ZNF18: variants seen among roughly 807,000 people sequenced by gnomAD.
ZNF18 encodes the protein heart development-specific gene 1 protein.
In ZNF18, 42 loss-of-function variants were observed where a neutral mutation model predicts 58.1. The observed-to-expected ratio is 0.72, with a 90% CI of 0.56 to 0.93. ZNF18 has a LOEUF of 0.93. ZNF18 is among the 40% of genes least tolerant of loss of function. ZNF18 has a pLI of 0.00. For missense variants in ZNF18, 540 were observed against 644.2 expected, an observed-to-expected ratio of 0.84 and a Z score of 1.75; for synonymous variants, 231 against 239.8, an observed-to-expected ratio of 0.96 and a Z score of 0.34.
At chr17:12,010,362 A>G in the ZNF18 span, among the ~76,000 whole-genome samples, 3,405 of 152,156 alleles carry the variant, frequency 0.022, 50 homozygotes, top group Non-Finnish European at 0.03. Context: ...AATAGAATGT[A>G]TTTACAAGAA....
chr17:11,983,277 A>T lies in ZNF18; in HGVS notation c.862+20T>A. 6.4e-7 allele frequency: 1 copy of T among 1,569,294 alleles called. No individual in the cohort carries two copies. The highest frequency in any genetic ancestry group is 1.1e-5 in the South Asian group (1 of 90,126). ...GACAGGCAGTCAGAAATGATTCCAG[A>T]CCAATGAAAGATTACTCACCTATGC... On this transcript the variant is annotated intron_variant, in intron 6 of 6. Coordinates refer to ENST00000580306, the MANE Select transcript of ZNF18 (RefSeq NM_001303281.2).
At chr17:11,982,367 T>C (rs937868416) in intron 6 of ZNF18, among the ~76,000 whole-genome samples, 2 of 152,238 alleles carry the variant, frequency 1.3e-5, no homozygotes, top group African/African-American at 4.8e-5. Flanking sequence ...ATTGTGTTTT[T>C]TTTTAACGCT....
the ZNF18 span, among the ~76,000 whole-genome samples, chr17:12,004,217 C>T: frequency 6.7e-6 from 1 of 150,146 alleles, no homozygotes; most frequent in South Asian, 2.1e-4. Flanking sequence ...GGTGACAGAG[C>T]GAGACTCTGT....
In ZNF18 at chr17:11,977,898, T is replaced by C; in HGVS notation, c.*59A>G. 1.3e-6 allele frequency: 2 copies of C among 1,510,494 alleles called. No individual in the cohort carries two copies. Among genetic ancestry groups the C allele is most frequent in the Non-Finnish European group, 1.8e-6 (2 of 1,127,948 alleles). 93.6% of individuals were successfully genotyped at this position (1,510,494 alleles called of 1,614,324 possible). On this transcript the variant is annotated 3_prime_UTR_variant, in exon 7 of 7. Coordinates refer to ENST00000580306, the MANE Select transcript of ZNF18 (RefSeq NM_001303281.2). The stretch of plus-strand genomic sequence containing the variant: ...TAGACACAATTCCTCTTGATGGAGC[T>C]GAGTATTTTTGTGACTGGGCTGGGA...
chr17:12,004,033 C>A, the ZNF18 span, among the ~76,000 whole-genome samples: 2 of 152,086 alleles, frequency 1.3e-5, no homozygotes, highest in African/African-American at 2.4e-5. Flanking sequence ...GAGTTTGAGA[C>A]CAGCCTGACC....
chr17:11,983,394 A>G lies in ZNF18; in HGVS notation c.765T>C (p.His255=). 1 of 1,613,694 alleles carries G rather than the reference A, an allele frequency of 6.2e-7. No individual in the cohort carries two copies. Among genetic ancestry groups the G allele is most frequent in the Non-Finnish European group, 8.5e-7 (1 of 1,179,630 alleles). The stretch of plus-strand genomic sequence containing the variant: ...TTGAATTAGTCAGGTCAGATTTGGG[A>G]TGGGAAATGCCTGCTATAGAGAGAA... ...GKMVSGAGIS[H]PKSDLTNSIE... Residue 255 remains histidine, a synonymous_variant, in exon 6 of 7, where the codon CAT becomes CAC. Transcript: ENST00000580306.
upstream of ZNF18, chr17:11,998,319 G>A (rs1490896076): frequency 6.6e-6 from 1 of 152,168 alleles, no homozygotes. Flanking sequence ...GTGATACTAA[G>A]TTGCATTAAT....
rs191353566 is a variant in ZNF18, at chr17:11,978,475, G to T, written c.1132C>A (p.His378Asn). The change falls in exon 7 of 7, where the codon CAT becomes AAT. Residue 378 changes from histidine to asparagine, a missense_variant. By Grantham distance (68) the His-to-Asn change is moderately conservative. Transcript: ENST00000580306. ...KQLGQHLPNPHSGEMSTMWLE... is the reference protein window; with the variant it reads ...KQLGQHLPNPNSGEMSTMWLE... Reference sequence around the variant, plus strand: ...CACATGGTGGACATTTCTCCTGAATGAGGATTAGGCAAATGCTGACCTAGT... The same window carrying T: ...CACATGGTGGACATTTCTCCTGAATTAGGATTAGGCAAATGCTGACCTAGT... 1.7e-3 allele frequency: 2,654 copies of T among 1,590,844 alleles called. 84 individuals are homozygous for T. In the Admixed American group the frequency reaches 0.044, roughly 27 times the overall value.
chr17:12,008,473 T>C, the ZNF18 span, among the ~76,000 whole-genome samples: 2 of 152,190 alleles, frequency 1.3e-5, no homozygotes, highest in East Asian at 3.9e-4. Context: ...TAGCTAGGAC[T>C]ACAGGCTCAA....
chr17:11,985,825 A>G (rs1967701599), intron 4 of ZNF18, among the ~76,000 whole-genome samples: 1 of 152,228 alleles, frequency 6.6e-6, no homozygotes, highest in South Asian at 2.1e-4. Context: ...AAGGGTTTGC[A>G]GAGAGAATTA....
At chr17:11,991,537 G>A (rs112731128) in intron 2 of ZNF18, among the ~76,000 whole-genome samples, 3 of 152,350 alleles carry the variant, frequency 2.0e-5, no homozygotes, top group African/African-American at 7.2e-5. Flanking sequence ...GAGTCAGAGA[G>A]TGTTAGAATT....
chr17:11,999,032 A>G (rs534248563), upstream of ZNF18, among the ~76,000 whole-genome samples: 27 of 152,216 alleles, frequency 1.8e-4, no homozygotes, highest in African/African-American at 6.5e-4. Context: ...TGAGGACAGC[A>G]TGGCTAACAA....
At chr17:11,997,884 T>C (rs994560148), upstream of ZNF18, among the ~76,000 whole-genome samples, 9 of 152,200 alleles carry the variant, frequency 5.9e-5, no homozygotes, top group African/African-American at 9.7e-5. Context: ...CTTTCCGTTC[T>C]TGCCTCACTG....
At chr17:11,996,002 T>C (rs541003603) in intron 1 of ZNF18, among the ~76,000 whole-genome samples, 28 of 152,288 alleles carry the variant, frequency 1.8e-4, no homozygotes, top group African/African-American at 6.3e-4. Context: ...TGGAAAACTT[T>C]AGAGCTTCCT....
upstream of ZNF18, among the ~76,000 whole-genome samples, chr17:12,000,882 A>G (rs561472936): frequency 1.3e-5 from 2 of 152,356 alleles, no homozygotes; most frequent in African/African-American, 2.4e-5. Flanking sequence ...AATAAGTTCA[A>G]TAAGGAACGA....
chr17:12,010,410 G>A, the ZNF18 span, among the ~76,000 whole-genome samples: 2 of 150,888 alleles, frequency 1.3e-5, no homozygotes, highest in East Asian at 1.9e-4. Flanking sequence ...CAAAACATTT[G>A]TTTCTGAACT....
chr17:12,020,973 A>C, the ZNF18 span: 2 of 1,184,914 alleles, frequency 1.7e-6, no homozygotes, highest in Non-Finnish European at 1.0e-6. Context: ...CCCCGGCGCC[A>C]GGCCACCCGG....
intron 1 of ZNF18, chr17:11,995,736 C>T (rs1406996137): frequency 6.6e-6 from 1 of 151,504 alleles, no homozygotes; most frequent in South Asian, 2.1e-4. Flanking sequence ...CACTATCAAC[C>T]GACTTGCTCT....
At chr17:11,997,400 G>C (rs1367788498) in intron 1 of ZNF18, 31 bp downstream of exon 1, 3 of 152,224 alleles carry the variant, frequency 2.0e-5, no homozygotes, top group Non-Finnish European at 4.4e-5. Context: ...CGAGCGGCCG[G>C]AGGCCGGGAC....
Sources: allele counts gnomAD v4.1 joint callset (sites outside exome capture counted in the v4.1 genomes callset), GRCh38; gene constraint gnomAD v4.1.1; transcripts MANE v1.5; gene names NCBI Gene and HGNC (gene_info 2026-07-23, HGNC 2026-07-21).